Variants in FSTL5 observed in about 807,000 individuals in gnomAD.
The protein encoded by FSTL5 is follistatin like 5.
A neutral mutation model predicts 89.1 loss-of-function variants in FSTL5; 62 were observed. The observed-to-expected ratio is 0.70, with a 90% confidence interval of 0.57 to 0.86. The LOEUF is 0.86. FSTL5 is among the 40% of genes least tolerant of loss of function. FSTL5 has a pLI of 0.00. For synonymous variants in FSTL5, 383 were observed against 346.2 expected, an observed-to-expected ratio of 1.11 and a Z score of -1.18; for missense variants, 1,057 against 1,001.6, an observed-to-expected ratio of 1.06 and a Z score of -0.75.
At chr4:161,806,560 G>T (rs1307573559) in intron 4 of FSTL5, among the ~76,000 whole-genome samples, 2 of 152,128 alleles carry the variant, frequency 1.3e-5, no homozygotes, top group Non-Finnish European at 2.9e-5. Flanking sequence ...AGTCACTGTT[G>T]ACAATAAAAA....
intron 6 of FSTL5, among the ~76,000 whole-genome samples, chr4:161,685,307 A>C (rs1737675372): frequency 6.6e-6 from 1 of 152,044 alleles, no homozygotes; most frequent in African/African-American, 2.4e-5. Context: ...TTTTGATGTG[A>C]ATTGCATTGA....
At chr4:162,029,058 G>A (rs917811775) in intron 3 of FSTL5, among the ~76,000 whole-genome samples, 2 of 151,856 alleles carry the variant, frequency 1.3e-5, no homozygotes, top group Non-Finnish European at 2.9e-5. Context: ...AGTGCTCTGA[G>A]GTGCCAATAT....
intron 2 of FSTL5, among the ~76,000 whole-genome samples, chr4:162,077,030 C>T (rs1028656965): frequency 1.3e-5 from 2 of 151,752 alleles, no homozygotes; most frequent in Non-Finnish European, 2.9e-5. Context: ...GCTGCATATA[C>T]TTGTCTTTTA....
intron 4 of FSTL5, among the ~76,000 whole-genome samples, chr4:161,900,743 T>A (rs1733337643): frequency 2.0e-5 from 3 of 149,246 alleles, no homozygotes; most frequent in Admixed American, 1.3e-4. Context: ...TGAATATACC[T>A]CAAAACATGA....
chr4:161,862,771 C>T (rs958641747), intron 4 of FSTL5, among the ~76,000 whole-genome samples: 2 of 151,928 alleles, frequency 1.3e-5, no homozygotes, highest in Non-Finnish European at 2.9e-5. Flanking sequence ...TGATAAAGAA[C>T]CTGGAAATCC....
At chr4:161,806,431 G>T (rs1306477470) in intron 4 of FSTL5, among the ~76,000 whole-genome samples, 2 of 152,114 alleles carry the variant, frequency 1.3e-5, no homozygotes, top group Non-Finnish European at 2.9e-5. Flanking sequence ...GAGGAAAAAT[G>T]AGATGCATGT....
rs866107204 is a variant in FSTL5, at chr4:161,783,675, T to C, written c.410-7601A>G. ...TCTTTCTTTCTTTCTCTTTCTTTCT[T>C]TCTCTTTCTTTCTTTCTTTCTTTCT... On this transcript the variant is annotated intron_variant, in intron 4 of 15. Coordinates refer to ENST00000306100, the MANE Select transcript of FSTL5 (RefSeq NM_020116.5). 7.3e-3 allele frequency among the ~76,000 whole-genome samples: 69 copies of C among 9,468 alleles called. 2 individuals are homozygous for C. The highest frequency in any genetic ancestry group is 0.015 in the African/African-American group (49 of 3,270). The allele number at this position is 9,468 out of a possible 152,430, so 6.2% of individuals were successfully genotyped here.
chr4:161,639,270 G>A (rs1220020658), intron 7 of FSTL5, among the ~76,000 whole-genome samples: 3 of 152,156 alleles, frequency 2.0e-5, no homozygotes, highest in African/African-American at 7.2e-5. Flanking sequence ...TGTAATTAAA[G>A]GGTAATGAAA....
chr4:162,036,060 C>T (rs1185769265), intron 2 of FSTL5, among the ~76,000 whole-genome samples: 8 of 152,054 alleles, frequency 5.3e-5, no homozygotes, highest in African/African-American at 1.9e-4. Context: ...CACTAGTGTC[C>T]TAGGCATTGA....
At chr4:161,726,386 C>T (rs1467089890) in intron 6 of FSTL5, among the ~76,000 whole-genome samples, 3 of 107,748 alleles carry the variant, frequency 2.8e-5, no homozygotes, top group Admixed American at 1.0e-4. Flanking sequence ...GCCACCACGC[C>T]CGGCTAATTT....
At chr4:161,711,497 G>A (rs1361775436) in intron 6 of FSTL5, among the ~76,000 whole-genome samples, 1 of 151,898 alleles carries the variant, frequency 6.6e-6, no homozygotes, top group Admixed American at 6.6e-5. Context: ...CAAAAGTAAA[G>A]GGTTTAAATT....
intron 6 of FSTL5, among the ~76,000 whole-genome samples, chr4:161,736,888 G>T (rs1277812597): frequency 2.0e-5 from 3 of 152,140 alleles, no homozygotes; most frequent in East Asian, 1.9e-4. Flanking sequence ...ATAATAAAGA[G>T]CCATATCTGT....
chr4:161,534,434 A>T (rs533643477), intron 10 of FSTL5, among the ~76,000 whole-genome samples: 1 of 152,230 alleles, frequency 6.6e-6, no homozygotes, highest in East Asian at 1.9e-4. Context: ...TACCAATTCC[A>T]TTGTAGTTGA....
chr4:161,873,836 CT>C (rs1464303318), intron 4 of FSTL5, among the ~76,000 whole-genome samples: 1 of 151,654 alleles, frequency 6.6e-6, no homozygotes, highest in East Asian at 1.9e-4. Flanking sequence ...TTGTTCACCA[CT>C]TTTTTGCTCG....
intron 7 of FSTL5, among the ~76,000 whole-genome samples, chr4:161,596,006 G>A (rs987968657): frequency 1.1e-4 from 17 of 151,850 alleles, no homozygotes; most frequent in African/African-American, 3.6e-4. Context: ...CATTTAATTT[G>A]CAATAGTGTA....
chr4:161,418,589 T>G (rs1448007785), intron 15 of FSTL5, among the ~76,000 whole-genome samples: 1 of 152,208 alleles, frequency 6.6e-6, no homozygotes, highest in Non-Finnish European at 1.5e-5. Context: ...CTATTAATCT[T>G]TATGTATAGC....
chr4:161,781,622 G>T (rs1202658254), intron 4 of FSTL5, among the ~76,000 whole-genome samples: 1 of 152,060 alleles, frequency 6.6e-6, no homozygotes, highest in Non-Finnish European at 1.5e-5. Flanking sequence ...AAATTGACCA[G>T]AACTTATAGA....
intron 15 of FSTL5, among the ~76,000 whole-genome samples, chr4:161,388,719 A>G (rs756502418): frequency 1.4e-3 from 210 of 152,088 alleles, no homozygotes; most frequent in Non-Finnish European, 2.3e-3. Context: ...CTCACTGAAT[A>G]AAAGCAATAA....
chr4:161,553,484 C>A (rs1436178399), intron 8 of FSTL5, among the ~76,000 whole-genome samples: 2 of 151,096 alleles, frequency 1.3e-5, no homozygotes, highest in African/African-American at 4.8e-5. Flanking sequence ...CACTGAGCAA[C>A]TCCTGAGCAT....
Sources: gnomAD v4.1 joint callset for allele counts (sites outside exome capture counted in the v4.1 genomes callset) on GRCh38, gnomAD v4.1.1 for gene constraint, MANE v1.5 for transcripts, NCBI Gene and HGNC (gene_info 2026-07-23, HGNC 2026-07-21) for gene names.